RBFOX1: variants seen among roughly 807,000 people sequenced by gnomAD.
RBFOX1 encodes the protein RNA binding fox-1 homolog 1.
Under a neutral mutation model 57.7 loss-of-function variants are expected in RBFOX1, and 8 were observed. The ratio of observed to expected loss-of-function variants is 0.14; its 90% CI spans 0.08 to 0.25. The LOEUF (loss-of-function observed/expected upper bound fraction) is 0.25. RBFOX1 is among the 10% of genes least tolerant of loss of function. The pLI is 1.00. For synonymous variants in RBFOX1, 326 were observed against 222.4 expected (o/e 1.47, Z -4.15); for missense variants, 611 against 548.5 (o/e 1.11, Z -1.14).
chr16:7,688,198 G>A (rs981611737), intron 14 of RBFOX1, among the ~76,000 whole-genome samples: 3 of 148,674 alleles, frequency 2.0e-5, no homozygotes, highest in African/African-American at 7.5e-5. Flanking sequence ...GGATTGCCTA[G>A]TAGGCATCCT....
intron 3 of RBFOX1, among the ~76,000 whole-genome samples, chr16:6,986,136 C>G (rs879717163): frequency 2.1e-5 from 3 of 144,652 alleles, no homozygotes; most frequent in Non-Finnish European, 4.5e-5. Flanking sequence ...AAATGTAAGA[C>G]TTGTACAATA....
At chr16:6,364,375 A>G (rs529170275) in intron 2 of RBFOX1, among the ~76,000 whole-genome samples, 2 of 151,170 alleles carry the variant, frequency 1.3e-5, no homozygotes, top group Non-Finnish European at 2.9e-5. Context: ...TTTCTTTCTC[A>G]TCTTCCCTCC....
chr16:5,450,453 C>G (rs991473302), intron 1 of RBFOX1, among the ~76,000 whole-genome samples: 2 of 152,176 alleles, frequency 1.3e-5, no homozygotes, highest in Admixed American at 1.3e-4. Flanking sequence ...TAATGGTTCT[C>G]TCATGCTCGA....
chr16:5,359,181 T>C (rs1275032772), intron 1 of RBFOX1, among the ~76,000 whole-genome samples: 2 of 152,244 alleles, frequency 1.3e-5, no homozygotes, highest in Non-Finnish European at 2.9e-5. Context: ...TTCTGTTATG[T>C]ATAAGTACCA....
intron 4 of RBFOX1, among the ~76,000 whole-genome samples, chr16:7,242,982 C>A (rs1056842806): frequency 6.6e-6 from 1 of 152,154 alleles, no homozygotes; most frequent in Admixed American, 6.5e-5. Flanking sequence ...TTCTCTTCCT[C>A]CTCCTCCTCT....
chr16:6,623,119 A>G (rs2098256862), intron 2 of RBFOX1, among the ~76,000 whole-genome samples: 1 of 152,160 alleles, frequency 6.6e-6, no homozygotes, highest in African/African-American at 2.4e-5. Flanking sequence ...CGGGAAACAT[A>G]TGGGTGGACT....
downstream of RBFOX1, among the ~76,000 whole-genome samples, chr16:5,604,024 C>T (rs570364410): frequency 1.4e-4 from 21 of 150,978 alleles, no homozygotes; most frequent in African/African-American, 4.1e-4. Context: ...GGTGCCATTC[C>T]CCCCTTCTAT....
At chr16:6,702,451 G>A (rs1259528413) in intron 3 of RBFOX1, among the ~76,000 whole-genome samples, 1 of 152,158 alleles carries the variant, frequency 6.6e-6, no homozygotes, top group African/African-American at 2.4e-5. Context: ...CTACTTGGGA[G>A]GCTGAGGCAG....
chr16:7,291,766 G>C (rs935763284), intron 4 of RBFOX1, among the ~76,000 whole-genome samples: 1 of 151,570 alleles, frequency 6.6e-6, no homozygotes, highest in African/African-American at 2.4e-5. Context: ...CTAGGGATGC[G>C]ATAAGGATTT....
chr16:7,548,799 C>G (rs1009853560), intron 5 of RBFOX1, among the ~76,000 whole-genome samples: 1 of 152,210 alleles, frequency 6.6e-6, no homozygotes, highest in Non-Finnish European at 1.5e-5. Context: ...AGCCTGGCTA[C>G]TGACTGGTAG....
intron 2 of RBFOX1, among the ~76,000 whole-genome samples, chr16:6,500,961 T>C (rs2153177160): frequency 6.7e-6 from 1 of 149,566 alleles, no homozygotes; most frequent in South Asian, 2.2e-4. Context: ...GGACCAGCCA[T>C]GTTCCTGTCT....
intron 1 of RBFOX1, chr16:5,365,890 A>T: frequency 2.0e-6 from 1 of 504,360 alleles, no homozygotes; most frequent in Non-Finnish European, 3.9e-6. Flanking sequence ...GATCACTTCA[A>T]GGTGGATAAT....
chr16:5,540,981 C>G (rs1175077581), intron 2 of RBFOX1, among the ~76,000 whole-genome samples: 1 of 152,106 alleles, frequency 6.6e-6, no homozygotes, highest in East Asian at 1.9e-4. Context: ...TCCTGAGTAG[C>G]TGGGACTACA....
chr16:6,900,414 A>T (rs912332373), intron 3 of RBFOX1, among the ~76,000 whole-genome samples: 4 of 152,128 alleles, frequency 2.6e-5, no homozygotes, highest in Admixed American at 2.0e-4. Flanking sequence ...GAAACATCTA[A>T]TCATGCTACC....
At chr16:6,247,031 T>C (rs903910524) in intron 1 of RBFOX1, among the ~76,000 whole-genome samples, 3 of 152,106 alleles carry the variant, frequency 2.0e-5, no homozygotes, top group Non-Finnish European at 4.4e-5. Context: ...GATTGCACCA[T>C]TTTACTCCAG....
At chr16:7,265,958 GTTTTTGTTTT>G (rs2095115739) in intron 4 of RBFOX1, among the ~76,000 whole-genome samples, 16 of 107,596 alleles carry the variant, frequency 1.5e-4, no homozygotes, top group Admixed American at 1.2e-3. Flanking sequence ...GATCTGGTGG[GTTTTTGTTTT>G]TTTTTTTTTT....
chr16:5,997,851 C>CT (rs138278495), intron 4 of RBFOX1, among the ~76,000 whole-genome samples: 1 of 151,480 alleles, frequency 6.6e-6, no homozygotes, highest in Non-Finnish European at 1.5e-5. Context: ...GTTTACTTTA[C>CT]TTTTTTTTTA....
At chr16:6,642,948 G>C (rs564915167) in intron 2 of RBFOX1, among the ~76,000 whole-genome samples, 1 of 152,288 alleles carries the variant, frequency 6.6e-6, no homozygotes, top group African/African-American at 2.4e-5. Context: ...TTTGCTGTTT[G>C]TATGATTTCA....
At chr16:7,638,124 T>C (rs2062078024) in intron 11 of RBFOX1, among the ~76,000 whole-genome samples, 1 of 152,156 alleles carries the variant, frequency 6.6e-6, no homozygotes, top group African/African-American at 2.4e-5. Context: ...CCCACTTAAG[T>C]TCTGCAACGA....
Sources: allele counts gnomAD v4.1 joint callset (sites outside exome capture counted in the v4.1 genomes callset), GRCh38; gene constraint gnomAD v4.1.1; transcripts MANE v1.5; gene names NCBI Gene and HGNC (gene_info 2026-07-23, HGNC 2026-07-21).